MAST4: variants seen among roughly 807,000 people sequenced by gnomAD.
MAST4 encodes the protein microtubule-associated serine/threonine-protein kinase 4.
MAST4 carries 89 observed loss-of-function variants against 162.7 expected under a neutral mutation model. The observed-to-expected ratio is 0.55, with a 90% CI of 0.46 to 0.65. MAST4 has a LOEUF of 0.65. MAST4 is among the 30% of genes least tolerant of loss of function. The pLI is 0.00. For synonymous variants in MAST4, 1,479 were observed against 1,361.1 expected (o/e 1.09, Z -1.91); for missense variants, 3,153 against 3,374.0 (o/e 0.93, Z 1.62).
intron 3 of MAST4, among the ~76,000 whole-genome samples, chr5:66,891,259 A>G (rs1303473684): frequency 6.6e-6 from 1 of 152,062 alleles, no homozygotes; most frequent in Non-Finnish European, 1.5e-5. Context: ...ACTATTCTAA[A>G]TCAGCCCAGG....
rs1159277579 is a variant in MAST4, at chr5:67,165,465, G to A, written c.6286G>A (p.Gly2096Arg). The A allele has an allele frequency of 6.2e-7, 1 of 1,613,924 alleles. No homozygotes were observed. ...LLARRSLQPP[G>R]IESEKSEKLS... is the part of the protein sequence containing the mutation. The stretch of plus-strand genomic sequence containing the variant: ...TGCCAGGCGGTCTCTGCAGCCACCT[G>A]GAATTGAGAGTGAGAAGAGTGAAAA... Residue 2096 changes from glycine to arginine, a missense_variant, in exon 29 of 29, where the codon GGA (glycine) becomes AGA (arginine). Physicochemically the swap from Gly to Arg is moderately radical, Grantham distance 125. Coordinates refer to ENST00000403625, the MANE Select transcript of MAST4 (RefSeq NM_001164664.2).
intron 4 of MAST4, among the ~76,000 whole-genome samples, chr5:66,962,809 A>T (rs1021861819): frequency 3.9e-5 from 6 of 152,202 alleles, no homozygotes; most frequent in East Asian, 1.9e-4. Flanking sequence ...CCTACAGAAT[A>T]CTTAGCTAAT....
chr5:66,975,659 C>G (rs1748052149), intron 4 of MAST4, among the ~76,000 whole-genome samples: 1 of 152,100 alleles, frequency 6.6e-6, no homozygotes, highest in Non-Finnish European at 1.5e-5. Context: ...CAGAACATGA[C>G]CAGTCCTGCT....
At chr5:66,618,672 A>G (rs1384790870) in intron 1 of MAST4, among the ~76,000 whole-genome samples, 1 of 151,888 alleles carries the variant, frequency 6.6e-6, no homozygotes, top group African/African-American at 2.4e-5. Context: ...TTTGATGTTT[A>G]CCCTGATCAC....
rs576979920 is a variant in MAST4 at position 66,993,985 on chromosome 5, A to G, written c.675-60419A>G. Among the ~76,000 whole-genome samples, 26 of 138,282 alleles carry G rather than the reference A, an allele frequency of 1.9e-4. 2 individuals are homozygous for G. In the South Asian group the frequency reaches 6.1e-3, roughly 33 times the overall value. 90.7% of individuals were successfully genotyped at this position (138,282 alleles called of 152,430 possible). On this transcript the variant is annotated intron_variant, in intron 4 of 28. Transcript: ENST00000403625. ...CACTCCAGATGATTCAATGATGATA[A>G]GACAGAAACCATGTGTGGAGAAATA... is the stretch of plus-strand genomic sequence containing the variant.
At chr5:66,894,524 C>T (rs953556072) in intron 3 of MAST4, among the ~76,000 whole-genome samples, 6 of 152,172 alleles carry the variant, frequency 3.9e-5, no homozygotes, top group African/African-American at 1.4e-4. Flanking sequence ...CCTAAAAGCA[C>T]CTGATATACT....
rs1428509557 is a variant in MAST4 at position 66,705,159 on chromosome 5, CT to C, written c.364-54545del. 3.9e-5 allele frequency among the ~76,000 whole-genome samples: 6 copies of C among 152,294 alleles called. No individual in the cohort carries two copies. The East Asian group carries it at 9.6e-4, about 24-fold the overall frequency. The stretch of plus-strand genomic sequence containing the variant: ...GGAAATTGGAGGATCAGGTTTCCTG[CT>C]TTTTATTTACATGTGGTAGTTTGGA... On this transcript the variant is annotated intron_variant, in intron 1 of 28. Transcript: ENST00000403625.
chr5:66,857,124 G>T (rs772740008), intron 3 of MAST4, among the ~76,000 whole-genome samples: 8 of 152,128 alleles, frequency 5.3e-5, no homozygotes, highest in Non-Finnish European at 1.2e-4. Flanking sequence ...GATTTGATAT[G>T]CACATTTCTA....
intron 3 of MAST4, among the ~76,000 whole-genome samples, chr5:66,790,606 A>G (rs1755353364): frequency 6.6e-6 from 1 of 152,190 alleles, no homozygotes; most frequent in Non-Finnish European, 1.5e-5. Flanking sequence ...ATACAGTGGC[A>G]CCATCATAGC....
chr5:66,897,179 T>C (rs1274019097), intron 3 of MAST4, among the ~76,000 whole-genome samples: 1 of 152,190 alleles, frequency 6.6e-6, no homozygotes, highest in Non-Finnish European at 1.5e-5. Context: ...TTTCCCTTTT[T>C]CTTTCCTCCT....
intron 3 of MAST4, among the ~76,000 whole-genome samples, chr5:66,864,650 C>T (rs544272218): frequency 2.6e-5 from 4 of 151,428 alleles, no homozygotes; most frequent in East Asian, 1.9e-4. Context: ...TATGTCCCCC[C>T]CCGAAAATAC....
At chr5:66,997,949 A>G (rs746831926) in intron 4 of MAST4, among the ~76,000 whole-genome samples, 1 of 152,220 alleles carries the variant, frequency 6.6e-6, no homozygotes, top group Non-Finnish European at 1.5e-5. Context: ...AATGGAAGGA[A>G]ATTCCGATTG....
At chr5:66,855,757 T>C (rs1329562802) in intron 3 of MAST4, among the ~76,000 whole-genome samples, 3 of 152,214 alleles carry the variant, frequency 2.0e-5, no homozygotes, top group Admixed American at 6.5e-5. Context: ...TGCTCATTGG[T>C]TGATGGTTGT....
chr5:66,809,538 A>T (rs1287174626), intron 3 of MAST4, among the ~76,000 whole-genome samples: 1 of 152,216 alleles, frequency 6.6e-6, no homozygotes, highest in Non-Finnish European at 1.5e-5. Flanking sequence ...TATATGAGAA[A>T]GGAAAAGGTA....
At chr5:66,605,212 G>A (rs1038638341) in intron 1 of MAST4, among the ~76,000 whole-genome samples, 2 of 152,158 alleles carry the variant, frequency 1.3e-5, no homozygotes, top group Non-Finnish European at 2.9e-5. Flanking sequence ...TTTGAAGAGT[G>A]GCTCTGAGGA....
intron 5 of MAST4, among the ~76,000 whole-genome samples, chr5:67,059,031 G>A (rs2150581243): frequency 6.6e-6 from 1 of 152,294 alleles, no homozygotes; most frequent in East Asian, 1.9e-4. Context: ...CCAAAATCAA[G>A]GTGTTGGTTG....
At chr5:66,974,255 G>A (rs138790384) in intron 4 of MAST4, among the ~76,000 whole-genome samples, 6 of 152,158 alleles carry the variant, frequency 3.9e-5, no homozygotes, top group African/African-American at 1.4e-4. Context: ...AAATTACAAG[G>A]GATTTGCCTA....
chr5:66,776,457 G>T (rs1580424067), intron 2 of MAST4, among the ~76,000 whole-genome samples: 1 of 152,324 alleles, frequency 6.6e-6, no homozygotes, highest in Non-Finnish European at 1.5e-5. Context: ...ATATTGTGAA[G>T]ATGGTAGACT....
intron 5 of MAST4, among the ~76,000 whole-genome samples, chr5:67,061,448 A>G (rs1424760250): frequency 6.6e-6 from 1 of 151,214 alleles, no homozygotes; most frequent in Non-Finnish European, 1.5e-5. Context: ...GAGAACTGAT[A>G]TTAATCTTTT....
Sources: allele counts gnomAD v4.1 joint callset (sites outside exome capture counted in the v4.1 genomes callset), GRCh38; gene constraint gnomAD v4.1.1; transcripts MANE v1.5; gene names NCBI Gene and HGNC (gene_info 2026-07-23, HGNC 2026-07-21).